The following IPO11 variants were observed in gnomAD, a reference collection of about 807,000 sequenced individuals.
IPO11 encodes the protein importin 11.
In IPO11, 66 loss-of-function variants were observed where a neutral mutation model predicts 143.2. The ratio of observed to expected loss-of-function variants is 0.46; its 90% confidence interval spans 0.38 to 0.57. IPO11 has a LOEUF of 0.57. IPO11 is among the 20% of genes least tolerant of loss of function. IPO11 has a pLI of 0.00. For synonymous variants in IPO11, 385 were observed against 377.8 expected (o/e 1.02, Z -0.22); for missense variants, 1,026 against 1,141.0 (o/e 0.90, Z 1.45).
chr5:62,491,666 G>GAT (rs1554050896), intron 15 of IPO11, among the ~76,000 whole-genome samples: 4 of 140,050 alleles, frequency 2.9e-5, no homozygotes, highest in African/African-American at 1.0e-4. Context: ...ATATTAATAA[G>GAT]TTTTTTTTTT....
Position 62,617,010 on chromosome 5 carries a change from A to C in IPO11, c.2764-10144A>C, listed in dbSNP as rs115094493. Among the ~76,000 whole-genome samples the C allele has an allele frequency of 4.7e-3, 718 of 152,230 alleles. 7 individuals are homozygous for C. Among genetic ancestry groups the C allele is most frequent in the African/African-American group, 0.017 (694 of 41,510 alleles). On this transcript the variant is annotated intron_variant, in intron 29 of 29. Coordinates refer to ENST00000325324, the MANE Select transcript of IPO11 (RefSeq NM_016338.5). ...TCATTCAACATTTCCTCTTTATAGC[A>C]CCTGCACTTTTCAGTCCTTCACCTG...
intron 6 of IPO11, among the ~76,000 whole-genome samples, 199 bp downstream of exon 6, chr5:62,467,462 TAA>T (rs1423496024): frequency 1.8e-4 from 8 of 43,652 alleles, no homozygotes; most frequent in Non-Finnish European, 3.4e-4. Flanking sequence ...AAAGCACATA[TAA>T]TAAGTTGAAG....
chr5:62,547,996 T>G (rs1743263964), intron 24 of IPO11, among the ~76,000 whole-genome samples: 1 of 151,496 alleles, frequency 6.6e-6, no homozygotes, highest in African/African-American at 2.4e-5. Context: ...ATTGATTCTT[T>G]TGTATCTATG....
chr5:62,460,956 A>G (rs1333399141), intron 5 of IPO11, among the ~76,000 whole-genome samples: 2 of 152,150 alleles, frequency 1.3e-5, no homozygotes, highest in East Asian at 1.9e-4. Context: ...GCTTGTGAAT[A>G]TATTAGTTGG....
chr5:62,428,123 C>A (rs767293923), intron 1 of IPO11, among the ~76,000 whole-genome samples: 2 of 152,176 alleles, frequency 1.3e-5, no homozygotes, highest in Non-Finnish European at 2.9e-5. Context: ...AGAAGTCTTA[C>A]ATTCTTTCAC....
chr5:62,558,962 TATA>T (rs2112362080), intron 26 of IPO11, among the ~76,000 whole-genome samples: 1 of 152,340 alleles, frequency 6.6e-6, no homozygotes, highest in East Asian at 1.9e-4. Flanking sequence ...ATAATTACAC[TATA>T]CTGTAGTATA....
At chr5:62,467,828 T>G (rs1745623816) in intron 6 of IPO11, among the ~76,000 whole-genome samples, 1 of 152,228 alleles carries the variant, frequency 6.6e-6, no homozygotes, top group Non-Finnish European at 1.5e-5. Flanking sequence ...TCTTGATGAA[T>G]GTATTCCTAG....
At chr5:62,417,321 ATTTTTTTTTTT>A (rs34767317) in intron 1 of IPO11, among the ~76,000 whole-genome samples, 3 of 65,330 alleles carry the variant, frequency 4.6e-5, no homozygotes, top group East Asian at 5.6e-4. Flanking sequence ...TTATTGGTTA[ATTTTTTTTTTT>A]TTTTTTTTTT....
intron 7 of IPO11, among the ~76,000 whole-genome samples, chr5:62,474,062 A>G (rs959317465): frequency 1.3e-5 from 2 of 152,218 alleles, no homozygotes; most frequent in African/African-American, 4.8e-5. Context: ...CCACATAATA[A>G]ATGGACAAGT....
chr5:62,598,523 TTTCTTTTC>T (rs2112442673), intron 28 of IPO11, among the ~76,000 whole-genome samples: 1 of 11,640 alleles, frequency 8.6e-5, no homozygotes, highest in East Asian at 3.4e-3. Context: ...TCTTTCTTTC[TTTCTTTTC>T]TTTCTTTTCT....
intron 20 of IPO11, among the ~76,000 whole-genome samples, chr5:62,518,421 G>C (rs1742096481): frequency 1.3e-5 from 2 of 151,446 alleles, no homozygotes; most frequent in Non-Finnish European, 2.9e-5. Context: ...TCCAGCCTGG[G>C]TGACATAGCG....
chr5:62,552,752 A>G (rs1471637695), intron 26 of IPO11, among the ~76,000 whole-genome samples: 1 of 152,180 alleles, frequency 6.6e-6, no homozygotes, highest in African/African-American at 2.4e-5. Flanking sequence ...GCATTAGTTC[A>G]TGAAGATTCA....
chr5:62,513,837 G>C (rs1741890461), intron 19 of IPO11, among the ~76,000 whole-genome samples: 1 of 149,542 alleles, frequency 6.7e-6, no homozygotes, highest in African/African-American at 2.5e-5. Context: ...TTCTCAGACG[G>C]GGCGGTTGCC....
intron 5 of IPO11, among the ~76,000 whole-genome samples, chr5:62,459,283 A>G (rs984017867): frequency 2.6e-5 from 4 of 152,140 alleles, no homozygotes; most frequent in African/African-American, 9.7e-5. Context: ...AAACAAAATG[A>G]AAATTAGATT....
intron 27 of IPO11, among the ~76,000 whole-genome samples, chr5:62,570,918 T>A (rs932242928): frequency 2.0e-5 from 3 of 152,164 alleles, no homozygotes; most frequent in Non-Finnish European, 4.4e-5. Flanking sequence ...TGCTTTACAA[T>A]GAGAATAAGA....
intron 27 of IPO11, chr5:62,579,903 A>G: frequency 6.4e-7 from 1 of 1,551,170 alleles, no homozygotes; most frequent in South Asian, 1.2e-5. Context: ...TTAATGATCT[A>G]GTTTCAGTTC....
At chr5:62,444,919 TATAA>T in intron 3 of IPO11, among the ~76,000 whole-genome samples, 1 of 151,066 alleles carries the variant, frequency 6.6e-6, no homozygotes, top group African/African-American at 2.4e-5. Flanking sequence ...TAAACATACA[TATAA>T]ATATATATAT....
intron 27 of IPO11, among the ~76,000 whole-genome samples, chr5:62,578,075 T>C (rs1744387724): frequency 6.6e-6 from 1 of 152,094 alleles, no homozygotes; most frequent in Non-Finnish European, 1.5e-5. Context: ...CAGATATATA[T>C]AGGGCGAAAC....
intron 16 of IPO11, among the ~76,000 whole-genome samples, chr5:62,500,464 G>A (rs1741310392): frequency 6.6e-6 from 1 of 152,052 alleles, no homozygotes; most frequent in South Asian, 2.1e-4. Flanking sequence ...TCATTATTAA[G>A]TATTATATAC....
Sources: allele counts gnomAD v4.1 joint callset (sites outside exome capture counted in the v4.1 genomes callset), GRCh38; gene constraint gnomAD v4.1.1; transcripts MANE v1.5; gene names NCBI Gene and HGNC (gene_info 2026-07-23, HGNC 2026-07-21).